Variants in RAP1GDS1 observed in about 807,000 individuals in gnomAD.
RAP1GDS1 encodes the protein RAP1, GTP-GDP dissociation stimulator 1.
Under a neutral mutation model 71.1 loss-of-function variants are expected in RAP1GDS1, and 35 were observed. That is an observed-to-expected ratio of 0.49 (90% CI 0.38 to 0.65). The LOEUF (loss-of-function observed/expected upper bound fraction) is 0.65, where lower values mean the gene tolerates loss of function less well. RAP1GDS1 is among the 30% of genes least tolerant of loss of function. The probability of loss-of-function intolerance (pLI) is 0.00; values close to 1 mark genes in which losing one functional copy is unlikely to be tolerated. For missense variants in RAP1GDS1, 663 were observed against 706.1 expected, an observed-to-expected ratio of 0.94 and a Z score of 0.69; for synonymous variants, 229 against 243.1, an observed-to-expected ratio of 0.94 and a Z score of 0.54.
rs182894218 is a variant in RAP1GDS1, at chr4:98,424,415, C to A, written c.1440+3021C>A. 5.7e-3 allele frequency among the ~76,000 whole-genome samples: 862 copies of A among 152,090 alleles called. 3 individuals are homozygous for A. Among genetic ancestry groups the A allele is most frequent in the Admixed American group, 0.01 (159 of 15,284 alleles). Reference sequence around the variant, plus strand: ...CTGATGAGCTTAAAAAAACAAAAATCACAAAAAAAACTCAAACACCTGTGG... The same window carrying A: ...CTGATGAGCTTAAAAAAACAAAAATAACAAAAAAAACTCAAACACCTGTGG... On this transcript the variant is annotated intron_variant, in intron 12 of 14. Transcript: ENST00000408927.
chr4:98,337,944 G>C (rs1429380762), intron 2 of RAP1GDS1, among the ~76,000 whole-genome samples: 1 of 152,124 alleles, frequency 6.6e-6, no homozygotes, highest in African/African-American at 2.4e-5. Context: ...AAATTTAAAG[G>C]AATGACATAA....
intron 6 of RAP1GDS1, among the ~76,000 whole-genome samples, chr4:98,400,573 G>A (rs1745262366): frequency 6.7e-6 from 1 of 150,216 alleles, no homozygotes; most frequent in African/African-American, 2.5e-5. Flanking sequence ...GGGAAAGGTA[G>A]CAGGAAGAGG....
At position 98,418,750 on chromosome 4, in the gene RAP1GDS1, A is replaced by G. The variant is rs779284040; in HGVS notation, c.1133A>G (p.Gln378Arg). The G allele has an allele frequency of 2.5e-6, 4 of 1,609,966 alleles. No homozygotes were observed. The highest frequency in any genetic ancestry group is 1.1e-5 in the South Asian group (1 of 90,134). Residue 378 changes from glutamine (Q) to arginine (R), a missense_variant, in exon 10 of 15, where the codon CAG (glutamine) becomes CGG (arginine). By Grantham distance (43) the Gln-to-Arg change is conservative. Coordinates refer to ENST00000408927, the MANE Select transcript of RAP1GDS1 (RefSeq NM_001100427.2). ...GTAGAAGATGGAAATGTAACAGTAC[A>G]GCATGCAGCACTAAGTGCCCTCAGA... ...RHVEDGNVTV[Q>R]HAALSALRNL...
In RAP1GDS1 at chr4:98,443,590, C is replaced by G. The variant is rs1223451735; in HGVS notation, c.*1473C>G. 4.5e-6 allele frequency: 1 copy of G among 220,076 alleles called. No individual in the cohort carries two copies. The highest frequency in any genetic ancestry group is 5.8e-5 in the Admixed American group (1 of 17,282). 13.6% of individuals were successfully genotyped at this position (220,076 alleles called of 1,614,324 possible). A position where few individuals can be genotyped will look rare whatever the true frequency, so the allele number is the denominator to read the frequency against. ...GATGCTACACATCTCTGTGGATAAT[C>G]TAAGTTGGACTTTTGACTCTAAAAC... is the stretch of plus-strand genomic sequence containing the variant. On this transcript the variant is annotated 3_prime_UTR_variant, in exon 15 of 15. Coordinates refer to ENST00000408927, the MANE Select transcript of RAP1GDS1 (RefSeq NM_001100427.2).
intron 4 of RAP1GDS1, among the ~76,000 whole-genome samples, chr4:98,354,357 C>T (rs6834495): frequency 0.046 from 6,964 of 152,268 alleles, 388 homozygotes; most frequent in African/African-American, 0.13. Context: ...CCACCGCGCC[C>T]AGCCCAAAAG....
At chr4:98,435,607 A>G (rs1319739271) in intron 13 of RAP1GDS1, among the ~76,000 whole-genome samples, 1 of 152,176 alleles carries the variant, frequency 6.6e-6, no homozygotes. Context: ...AAATCCAGGT[A>G]TAATTGGACC....
chr4:98,376,327 G>C (rs980161458), intron 4 of RAP1GDS1, among the ~76,000 whole-genome samples: 3 of 151,932 alleles, frequency 2.0e-5, no homozygotes, highest in African/African-American at 2.4e-5. Flanking sequence ...TTTAGGATAG[G>C]GAACCTTTTG....
chr4:98,324,811 A>G (rs1374904496), intron 2 of RAP1GDS1, among the ~76,000 whole-genome samples: 1 of 151,590 alleles, frequency 6.6e-6, no homozygotes, highest in Non-Finnish European at 1.5e-5. Flanking sequence ...CTAAAACCAT[A>G]AAAACCCTAG....
At chr4:98,411,518 G>A (rs139637297) in intron 7 of RAP1GDS1, among the ~76,000 whole-genome samples, 147 of 152,164 alleles carry the variant, frequency 9.7e-4, no homozygotes, top group African/African-American at 3.3e-3. Flanking sequence ...AATGTCTTAG[G>A]TCCTATTTCT....
intron 4 of RAP1GDS1, among the ~76,000 whole-genome samples, chr4:98,359,313 A>G (rs903334095): frequency 1.3e-5 from 2 of 152,172 alleles, no homozygotes; most frequent in Non-Finnish European, 2.9e-5. Context: ...AAAAAAGTGA[A>G]ATTATGAACT....
intron 4 of RAP1GDS1, among the ~76,000 whole-genome samples, chr4:98,372,427 A>T (rs745719624): frequency 2.6e-5 from 4 of 152,170 alleles, no homozygotes; most frequent in African/African-American, 4.8e-5. Flanking sequence ...TTGGCCTGCC[A>T]AAGTGCTGAG....
chr4:98,338,708 C>G (rs1418956798), intron 2 of RAP1GDS1, among the ~76,000 whole-genome samples: 1 of 152,150 alleles, frequency 6.6e-6, no homozygotes, highest in Non-Finnish European at 1.5e-5. Flanking sequence ...GCTATATTAC[C>G]AATCTAATCC....
At chr4:98,406,337 GAAT>G (rs1369230501) in intron 7 of RAP1GDS1, among the ~76,000 whole-genome samples, 1 of 151,884 alleles carries the variant, frequency 6.6e-6, no homozygotes, top group African/African-American at 2.4e-5. Flanking sequence ...AAAAGATTGA[GAAT>G]AATAGGGTAG....
chr4:98,293,925 C>T (rs1727341537), intron 2 of RAP1GDS1, among the ~76,000 whole-genome samples: 1 of 151,990 alleles, frequency 6.6e-6, no homozygotes, highest in African/African-American at 2.4e-5. Flanking sequence ...AAACACTTAA[C>T]ATTTTTTTGG....
At position 98,423,245 on chromosome 4, in the gene RAP1GDS1, G is replaced by C. The variant is rs556247761; in HGVS notation, c.1440+1851G>C. On this transcript the variant is annotated intron_variant, in intron 12 of 14. Transcript: ENST00000408927. Reference sequence around the variant, plus strand: ...TAACTAGGAATCTCAGGAGGAAAGGGAAAGAGAATGAAGGAAAGGGCCTTT... The same window carrying C: ...TAACTAGGAATCTCAGGAGGAAAGGCAAAGAGAATGAAGGAAAGGGCCTTT... 2.0e-5 allele frequency among the ~76,000 whole-genome samples: 3 copies of C among 152,324 alleles called. No individual in the cohort carries two copies. The East Asian group carries it at 5.8e-4, about 29-fold the overall frequency.
intron 2 of RAP1GDS1, among the ~76,000 whole-genome samples, chr4:98,316,821 A>G (rs1731013165): frequency 6.6e-6 from 1 of 152,168 alleles, no homozygotes; most frequent in Non-Finnish European, 1.5e-5. Flanking sequence ...AATCTAGCTA[A>G]AAGTGAAAGA....
intron 4 of RAP1GDS1, among the ~76,000 whole-genome samples, chr4:98,373,894 A>G (rs1367613562): frequency 6.6e-6 from 1 of 152,202 alleles, no homozygotes; most frequent in East Asian, 1.9e-4. Context: ...CTGATCTGAC[A>G]GTTACTTAAG....
intron 12 of RAP1GDS1, among the ~76,000 whole-genome samples, chr4:98,424,636 C>T (rs1241896578): frequency 1.3e-5 from 2 of 152,040 alleles, no homozygotes; most frequent in Non-Finnish European, 2.9e-5. Flanking sequence ...TGGCGTGCGC[C>T]TGTAATCCCA....
At chr4:98,304,739 T>C (rs368723612) in intron 2 of RAP1GDS1, among the ~76,000 whole-genome samples, 13 of 152,226 alleles carry the variant, frequency 8.5e-5, no homozygotes, top group East Asian at 3.8e-4. Flanking sequence ...TGCAATTGCT[T>C]TTGATGTTTT....
Sources: allele counts gnomAD v4.1 joint callset (sites outside exome capture counted in the v4.1 genomes callset), GRCh38; gene constraint gnomAD v4.1.1; transcripts MANE v1.5; gene names NCBI Gene and HGNC (gene_info 2026-07-23, HGNC 2026-07-21).